BMAL1: variants seen among roughly 807,000 people sequenced by gnomAD.
BMAL1 encodes basic helix-loop-helix ARNT like 1, also known as basic helix-loop-helix ARNT-like protein 1.
chr11:13,300,782 T>C, the BMAL1 span, among the ~76,000 whole-genome samples: 1 of 152,218 alleles, frequency 6.6e-6, no homozygotes, highest in Admixed American at 6.5e-5. Context: ...GTAGACTTGC[T>C]GAAAGGATTT....
At chr11:13,314,818 C>G in the BMAL1 span, among the ~76,000 whole-genome samples, 2 of 152,142 alleles carry the variant, frequency 1.3e-5, no homozygotes, top group African/African-American at 4.8e-5. Flanking sequence ...CTGAGGGCCT[C>G]TTTGTCTTCA....
At chr11:13,305,617 G>A in the BMAL1 span, among the ~76,000 whole-genome samples, 2 of 152,212 alleles carry the variant, frequency 1.3e-5, no homozygotes, top group African/African-American at 4.8e-5. Context: ...TGATTGTGTG[G>A]CCAGGACTTC....
chr11:13,377,454 CTTCGTCACCACTAT>C, the BMAL1 span, among the ~76,000 whole-genome samples: 1 of 152,196 alleles, frequency 6.6e-6, no homozygotes, highest in Non-Finnish European at 1.5e-5. Flanking sequence ...ATCTCTTAAA[CTTCGTCACCACTAT>C]TGCTATTTCA....
the BMAL1 span, among the ~76,000 whole-genome samples, chr11:13,309,196 A>G: frequency 1.4e-4 from 21 of 152,284 alleles, no homozygotes; most frequent in African/African-American, 4.1e-4. Flanking sequence ...TGGATGCGCC[A>G]TCTCAGTAGA....
chr11:13,332,450 C>G, the BMAL1 span, among the ~76,000 whole-genome samples: 2 of 152,200 alleles, frequency 1.3e-5, no homozygotes, highest in Non-Finnish European at 2.9e-5. Flanking sequence ...AACAAGTGCA[C>G]AGGAAATACT....
At chr11:13,350,225 A>AGTGG in the BMAL1 span, among the ~76,000 whole-genome samples, 1 of 152,210 alleles carries the variant, frequency 6.6e-6, no homozygotes, top group South Asian at 2.1e-4. Context: ...CAAAAAAGGG[A>AGTGG]GTGGGGGATT....
the BMAL1 span, chr11:13,357,222 A>G: frequency 9.4e-6 from 13 of 1,378,950 alleles, no homozygotes; most frequent in South Asian, 1.8e-4. The surrounding 1 kb of genome is among the most constrained non-coding windows in gnomAD (Gnocchi z 4.8). Context: ...TCCTTAGGGA[A>G]TAGGCAGGTA....
At chr11:13,351,707 C>T in the BMAL1 span, among the ~76,000 whole-genome samples, 1 of 152,076 alleles carries the variant, frequency 6.6e-6, no homozygotes, top group Non-Finnish European at 1.5e-5. Context: ...GGGGGATCTC[C>T]CAAGCCAAGA....
the BMAL1 span, among the ~76,000 whole-genome samples, chr11:13,363,777 A>AAG: frequency 7.2e-5 from 11 of 152,166 alleles, no homozygotes; most frequent in Admixed American, 7.2e-4. Context: ...CCATCTTCCC[A>AAG]AGAGTGACCC....
At chr11:13,310,497 A>T in the BMAL1 span, among the ~76,000 whole-genome samples, 2 of 152,208 alleles carry the variant, frequency 1.3e-5, no homozygotes, top group Non-Finnish European at 2.9e-5. Context: ...CTGTGGTGGG[A>T]TCTGCTGGCG....
At chr11:13,384,844 T>G in the BMAL1 span, among the ~76,000 whole-genome samples, 1 of 152,350 alleles carries the variant, frequency 6.6e-6, no homozygotes, top group South Asian at 2.1e-4. Context: ...TTAAGAAATC[T>G]ATTAGTTTTA....
At chr11:13,360,709 A>G in the BMAL1 span, among the ~76,000 whole-genome samples, 1 of 152,384 alleles carries the variant, frequency 6.6e-6, no homozygotes, top group African/African-American at 2.4e-5. Flanking sequence ...GGATTTGAGA[A>G]TCACATTTCT....
At chr11:13,284,268 T>A in the BMAL1 span, among the ~76,000 whole-genome samples, 65 of 23,592 alleles carry the variant, frequency 2.8e-3, 3 homozygotes, top group African/African-American at 5.1e-3. Context: ...ATATATATAT[T>A]TTTTTTTTTA....
chr11:13,290,685 A>T, the BMAL1 span, among the ~76,000 whole-genome samples: 1 of 152,002 alleles, frequency 6.6e-6, no homozygotes, highest in Non-Finnish European at 1.5e-5. Flanking sequence ...CACAGTATTC[A>T]TATAAGGTGG....
At chr11:13,358,572 G>T in the BMAL1 span, 1 of 1,603,272 alleles carries the variant, frequency 6.2e-7, no homozygotes, top group Non-Finnish European at 8.5e-7. Flanking sequence ...TGGCTGTTCA[G>T]CACATGAAAA....
chr11:13,284,266 A>ATTTTTTT, the BMAL1 span, among the ~76,000 whole-genome samples: 1 of 44,882 alleles, frequency 2.2e-5, no homozygotes, highest in Non-Finnish European at 4.7e-5. Context: ...ATATATATAT[A>ATTTTTTT]TTTTTTTTTT....
chr11:13,321,373 T>A, the BMAL1 span, among the ~76,000 whole-genome samples: 1 of 152,214 alleles, frequency 6.6e-6, no homozygotes, highest in Non-Finnish European at 1.5e-5. Context: ...CCCCAGAATG[T>A]CAGAGCAGCT....
the BMAL1 span, chr11:13,386,841 G>GGA: frequency 1.3e-6 from 2 of 1,493,088 alleles, no homozygotes; most frequent in South Asian, 2.6e-5. Flanking sequence ...TACTGGATAA[G>GGA]GAGAGAATAG....
chr11:13,384,730 A>G, the BMAL1 span, among the ~76,000 whole-genome samples: 1 of 152,250 alleles, frequency 6.6e-6, no homozygotes, highest in Non-Finnish European at 1.5e-5. Flanking sequence ...AAAATGTAAG[A>G]TAATACTCTG....
Sources: allele counts gnomAD v4.1 joint callset (sites outside exome capture counted in the v4.1 genomes callset), GRCh38; gene constraint gnomAD v4.1.1; non-coding constraint Gnocchi (gnomAD v3.1); transcripts MANE v1.5; gene names NCBI Gene and HGNC (gene_info 2026-07-23, HGNC 2026-07-21).